GALNT13: variants seen among roughly 807,000 people sequenced by gnomAD.
The protein encoded by GALNT13 is polypeptide N-acetylgalactosaminyltransferase 13, also known as UDP-GalNAc:polypeptide N-acetylgalactosaminyltransferase 13.
GALNT13 carries 28 observed loss-of-function variants against 64.2 expected under a neutral mutation model. That is an observed-to-expected ratio of 0.44 (90% CI 0.32 to 0.60). The LOEUF (loss-of-function observed/expected upper bound fraction) is 0.60. GALNT13 is among the 20% of genes least tolerant of loss of function. The probability of loss-of-function intolerance (pLI) is 0.05; values close to 1 mark genes in which losing one functional copy is unlikely to be tolerated. For synonymous variants in GALNT13, 214 were observed against 224.6 expected, an observed-to-expected ratio of 0.95 and a Z score of 0.42; for missense variants, 577 against 669.8, an observed-to-expected ratio of 0.86 and a Z score of 1.53.
chr2:153,891,176 C>T (rs929560023), intron 1 of GALNT13, among the ~76,000 whole-genome samples: 3 of 152,020 alleles, frequency 2.0e-5, no homozygotes, highest in Admixed American at 2.0e-4. Flanking sequence ...ATGCATTTAG[C>T]TACATGCATT....
chr2:153,792,867 G>A, the GALNT13 span, among the ~76,000 whole-genome samples: 4 of 151,990 alleles, frequency 2.6e-5, no homozygotes, highest in Non-Finnish European at 5.9e-5. Context: ...GGGAAGAATT[G>A]GGGTATTTAC....
intron 3 of GALNT13, among the ~76,000 whole-genome samples, chr2:153,948,447 A>G (rs1283523315): frequency 6.6e-6 from 1 of 152,076 alleles, no homozygotes; most frequent in African/African-American, 2.4e-5. Flanking sequence ...CAATGTGGTG[A>G]TTGATTCATC....
chr2:154,199,733 A>G (rs190301586), intron 4 of GALNT13, among the ~76,000 whole-genome samples: 5 of 152,176 alleles, frequency 3.3e-5, no homozygotes, highest in Admixed American at 3.3e-4. Context: ...TGGAGATTGT[A>G]ATACTATTAG....
intron 11 of GALNT13, chr2:154,409,354 G>A (rs1210285215): frequency 1.3e-5 from 5 of 388,926 alleles, no homozygotes; most frequent in Admixed American, 8.1e-5. Context: ...TCATGTATTA[G>A]CAAATGAGAG....
In GALNT13 at chr2:154,334,242, C is replaced by G. The variant is rs529307358; in HGVS notation, c.1156+32653C>G. Among the ~76,000 whole-genome samples, 5 of 152,102 alleles carry G rather than the reference C, an allele frequency of 3.3e-5. No individual in the cohort carries two copies. In the South Asian group the frequency reaches 1.0e-3, roughly 32 times the overall value. On this transcript the variant is annotated intron_variant, in intron 9 of 12. Coordinates refer to ENST00000392825, the MANE Select transcript of GALNT13 (RefSeq NM_052917.4). ...TATGATTCCTTAGGCTAATCTCAAA[C>G]TTTTGAAATCCCATTTTACTATTAC...
chr2:153,860,488 C>T, the GALNT13 span, among the ~76,000 whole-genome samples: 1 of 152,042 alleles, frequency 6.6e-6, no homozygotes, highest in Non-Finnish European at 1.5e-5. Flanking sequence ...CTTCTATCCT[C>T]TTTTACTATT....
intron 9 of GALNT13, among the ~76,000 whole-genome samples, chr2:154,367,339 A>G (rs753284744): frequency 7.9e-5 from 12 of 152,180 alleles, no homozygotes; most frequent in Admixed American, 3.3e-4. Context: ...TTTAAAAATG[A>G]AAAGGTTATT....
the GALNT13 span, among the ~76,000 whole-genome samples, chr2:153,179,114 G>A: frequency 3.9e-5 from 6 of 152,100 alleles, no homozygotes; most frequent in African/African-American, 1.4e-4. Context: ...TCATTGCCCA[G>A]ACCAATGTCA....
chr2:154,204,829 C>T (rs1687353815), intron 4 of GALNT13, among the ~76,000 whole-genome samples: 1 of 152,138 alleles, frequency 6.6e-6, no homozygotes, highest in Non-Finnish European at 1.5e-5. Context: ...GTATATTATT[C>T]CTTTTGAAGT....
At chr2:153,897,059 CA>C (rs1373314319) in intron 1 of GALNT13, among the ~76,000 whole-genome samples, 2 of 152,140 alleles carry the variant, frequency 1.3e-5, no homozygotes, top group African/African-American at 4.8e-5. Flanking sequence ...AGACACACCA[CA>C]TTTTTTTTCC....
At chr2:154,406,459 C>A (rs1321159036) in intron 10 of GALNT13, among the ~76,000 whole-genome samples, 1 of 152,164 alleles carries the variant, frequency 6.6e-6, no homozygotes, top group Non-Finnish European at 1.5e-5. Flanking sequence ...CTGCCCCTTG[C>A]TCACTGCAGT....
At chr2:154,273,053 C>T (rs1412596922) in intron 8 of GALNT13, among the ~76,000 whole-genome samples, 2 of 152,040 alleles carry the variant, frequency 1.3e-5, no homozygotes, top group African/African-American at 4.8e-5. Context: ...CATACTCAGT[C>T]CCTGGTCTCG....
At chr2:153,258,671 A>G in the GALNT13 span, among the ~76,000 whole-genome samples, 4 of 151,802 alleles carry the variant, frequency 2.6e-5, no homozygotes, top group Non-Finnish European at 5.9e-5. Context: ...TTTTTCATTT[A>G]TTTCAAGACA....
chr2:153,605,025 G>A, the GALNT13 span, among the ~76,000 whole-genome samples: 20 of 152,066 alleles, frequency 1.3e-4, no homozygotes, highest in South Asian at 1.5e-3. Flanking sequence ...ACCAAAATTC[G>A]TATCTCCTGA....
the GALNT13 span, among the ~76,000 whole-genome samples, chr2:153,506,190 G>A: frequency 3.5e-3 from 527 of 152,078 alleles, 3 homozygotes; most frequent in African/African-American, 0.012. Flanking sequence ...CCATTTGTAT[G>A]GAATATCTTT....
chr2:153,765,545 A>G, the GALNT13 span, among the ~76,000 whole-genome samples: 4 of 152,222 alleles, frequency 2.6e-5, no homozygotes, highest in African/African-American at 7.2e-5. Flanking sequence ...TTACAGGCTC[A>G]TAGGCAGAAG....
the GALNT13 span, among the ~76,000 whole-genome samples, chr2:153,132,911 C>T: frequency 6.6e-6 from 1 of 151,962 alleles, no homozygotes; most frequent in South Asian, 2.1e-4. Context: ...TTTGTAGAGA[C>T]AGGATTTCGC....
chr2:153,268,979 C>T, the GALNT13 span, among the ~76,000 whole-genome samples: 8 of 152,138 alleles, frequency 5.3e-5, no homozygotes, highest in African/African-American at 1.7e-4. Context: ...GGTCTCTGGA[C>T]CTGTGATGGG....
At chr2:154,168,672 TTAAAAAAA>T (rs1685175587) in intron 4 of GALNT13, among the ~76,000 whole-genome samples, 1 of 119,036 alleles carries the variant, frequency 8.4e-6, no homozygotes, top group Non-Finnish European at 1.7e-5. Flanking sequence ...ATCTCTACTA[TTAAAAAAA>T]AAAAAAAAAA....
Sources: gnomAD v4.1 joint callset for allele counts (sites outside exome capture counted in the v4.1 genomes callset) on GRCh38, gnomAD v4.1.1 for gene constraint, MANE v1.5 for transcripts, NCBI Gene and HGNC (gene_info 2026-07-23, HGNC 2026-07-21) for gene names.